Variants in UGT1A6 observed in about 807,000 individuals in gnomAD.
UGT1A6 encodes UDP-glucuronosyltransferase 1A6.
Under a neutral mutation model 44.4 loss-of-function variants are expected in UGT1A6, and 32 were observed. The ratio of observed to expected loss-of-function variants is 0.72; its 90% confidence interval spans 0.54 to 0.97. The LOEUF is 0.97. Ranked by LOEUF, UGT1A6 falls within the 50% of genes least tolerant of loss-of-function variation. The pLI is 0.00. For missense variants in UGT1A6, 685 were observed against 661.9 expected (o/e 1.03, Z -0.38); for synonymous variants, 238 against 248.5 (o/e 0.96, Z 0.40).
chr2:233,768,054 A>G (rs1384127703), intron 3 of UGT1A6, 118 bp downstream of exon 3: 4 of 1,603,256 alleles, frequency 2.5e-6, no homozygotes, highest in East Asian at 4.5e-5. Context: ...CATATCCTAC[A>G]TTGCTTTTTA....
At chr2:233,736,071 G>A (rs1216077159) in intron 1 of UGT1A6, among the ~76,000 whole-genome samples, 1 of 152,146 alleles carries the variant, frequency 6.6e-6, no homozygotes, top group Non-Finnish European at 1.5e-5. Flanking sequence ...TGCTAGGTTT[G>A]GGAAGTTCTC....
chr2:233,753,691 A>T (rs900061019), intron 1 of UGT1A6: 1 of 152,228 alleles, frequency 6.6e-6, no homozygotes, highest in African/African-American at 2.4e-5. Context: ...ACAATATTAC[A>T]GATGCACTTG....
intron 1 of UGT1A6, among the ~76,000 whole-genome samples, chr2:233,711,768 A>T (rs138965845): frequency 6.6e-6 from 1 of 152,336 alleles, no homozygotes; most frequent in Non-Finnish European, 1.5e-5. Context: ...AGAGGAAGTG[A>T]GATAGAAAGT....
intron 1 of UGT1A6, among the ~76,000 whole-genome samples, chr2:233,695,229 G>T (rs1218832857): frequency 6.6e-6 from 1 of 151,334 alleles, no homozygotes; most frequent in African/African-American, 2.4e-5. Context: ...GGGTTCAAGC[G>T]ATTCTCCTGC....
chr2:233,736,085 G>C (rs1296774053), intron 1 of UGT1A6, among the ~76,000 whole-genome samples: 1 of 152,146 alleles, frequency 6.6e-6, no homozygotes, highest in African/African-American at 2.4e-5. Flanking sequence ...AGTTCTCCTG[G>C]ATAATATCCT....
intron 1 of UGT1A6, among the ~76,000 whole-genome samples, chr2:233,724,822 C>T (rs372493213): frequency 2.2e-5 from 3 of 135,968 alleles, no homozygotes; most frequent in Admixed American, 7.3e-5. Flanking sequence ...GCTGCAATCT[C>T]GGCACTTTGG....
intron 1 of UGT1A6, among the ~76,000 whole-genome samples, chr2:233,699,734 C>G (rs943749352): frequency 6.6e-6 from 1 of 152,176 alleles, no homozygotes. Flanking sequence ...GGAGCGTTTT[C>G]CCAGAAAACT....
chr2:233,699,130 A>C (rs150919646), intron 1 of UGT1A6, among the ~76,000 whole-genome samples: 33 of 152,278 alleles, frequency 2.2e-4, no homozygotes, highest in African/African-American at 7.9e-4. Flanking sequence ...TACTTATGTC[A>C]GATTCTCATG....
chr2:233,716,449 C>T (rs2125648185), intron 1 of UGT1A6, among the ~76,000 whole-genome samples: 1 of 152,152 alleles, frequency 6.6e-6, no homozygotes, highest in Admixed American at 6.5e-5. Context: ...TTCATTTGGC[C>T]ATTTAAATTT....
At chr2:233,733,982 G>A (rs1360923030) in intron 1 of UGT1A6, among the ~76,000 whole-genome samples, 2 of 152,070 alleles carry the variant, frequency 1.3e-5, no homozygotes, top group Non-Finnish European at 2.9e-5. Flanking sequence ...GGGAGGGATA[G>A]CATTAGGAGA....
At chr2:233,757,538 ATAT>A in intron 1 of UGT1A6, among the ~76,000 whole-genome samples, 1 of 109,754 alleles carries the variant, frequency 9.1e-6, no homozygotes, top group African/African-American at 4.4e-5. Context: ...TGTAAGGAAT[ATAT>A]ATATATATAT....
chr2:233,744,390 C>A (rs894432341), intron 1 of UGT1A6, among the ~76,000 whole-genome samples: 4 of 151,862 alleles, frequency 2.6e-5, no homozygotes, highest in Non-Finnish European at 5.9e-5. Context: ...AACGTTCCAG[C>A]CCCGGTGCCC....
chr2:233,760,276 A>G (rs1040602725), intron 1 of UGT1A6: 1 of 1,612,606 alleles, frequency 6.2e-7, no homozygotes, highest in South Asian at 1.1e-5. Flanking sequence ...CTCTGGCAGG[A>G]GCAAAGGCGC....
intron 1 of UGT1A6, among the ~76,000 whole-genome samples, chr2:233,747,015 G>T (rs911515983): frequency 6.6e-6 from 1 of 151,822 alleles, no homozygotes; most frequent in Non-Finnish European, 1.5e-5. Context: ...AGGAGTGATC[G>T]GTCTTTCCCG....
intron 1 of UGT1A6, among the ~76,000 whole-genome samples, chr2:233,699,604 T>C (rs1376144779): frequency 6.6e-6 from 1 of 152,188 alleles, no homozygotes; most frequent in African/African-American, 2.4e-5. Flanking sequence ...GCCTGGTCTA[T>C]AGAAAGGAAT....
At chr2:233,707,410 C>G (rs370050172) in intron 1 of UGT1A6, among the ~76,000 whole-genome samples, 97 of 152,270 alleles carry the variant, frequency 6.4e-4, no homozygotes, top group African/African-American at 2.3e-3. Context: ...TGTTCTCTCT[C>G]CCTCGACTAT....
chr2:233,770,051 A>G (rs1483114372), intron 4 of UGT1A6: 1 of 154,750 alleles, frequency 6.5e-6, no homozygotes, highest in Non-Finnish European at 1.4e-5. Flanking sequence ...CTTGAGGCTC[A>G]CATTATGGAT....
At chr2:233,729,488 C>T (rs768406163) in intron 1 of UGT1A6, 3 of 1,614,180 alleles carry the variant, frequency 1.9e-6, no homozygotes, top group South Asian at 2.2e-5. Context: ...AACAATATGT[C>T]TTTGGTCTAT....
intron 1 of UGT1A6, among the ~76,000 whole-genome samples, chr2:233,716,889 C>A (rs991395363): frequency 6.6e-6 from 1 of 152,030 alleles, no homozygotes; most frequent in Non-Finnish European, 1.5e-5. Flanking sequence ...CAGCCCAGAC[C>A]CCTCCTCATC....
Sources: allele counts gnomAD v4.1 joint callset (sites outside exome capture counted in the v4.1 genomes callset), GRCh38; gene constraint gnomAD v4.1.1; transcripts MANE v1.5; gene names NCBI Gene and HGNC (gene_info 2026-07-23, HGNC 2026-07-21).